The following TMEM232 variants were observed in gnomAD, a reference collection of about 807,000 sequenced individuals.
TMEM232 encodes the protein transmembrane protein 232.
In TMEM232, 80 loss-of-function variants were observed where a neutral mutation model predicts 78.8. That is an observed-to-expected ratio of 1.01 (90% confidence interval 0.85 to 1.22). The LOEUF (loss-of-function observed/expected upper bound fraction) is 1.22. TMEM232 is among the 50% of genes most tolerant of loss of function. The pLI, the probability that TMEM232 is intolerant of heterozygous loss-of-function variation, is 0.00. For missense variants in TMEM232, 881 were observed against 742.2 expected, an observed-to-expected ratio of 1.19 and a Z score of -2.17; for synonymous variants, 297 against 254.3, an observed-to-expected ratio of 1.17 and a Z score of -1.60.
At chr5:110,687,786 C>G (rs905419887) in intron 1 of TMEM232, among the ~76,000 whole-genome samples, 5 of 151,894 alleles carry the variant, frequency 3.3e-5, no homozygotes, top group Non-Finnish European at 1.5e-5. Flanking sequence ...ATTATAAATC[C>G]TAATTGCAAA....
At chr5:110,681,574 A>C (rs1792753275) in intron 1 of TMEM232, among the ~76,000 whole-genome samples, 1 of 152,240 alleles carries the variant, frequency 6.6e-6, no homozygotes, top group Non-Finnish European at 1.5e-5. Flanking sequence ...TTAAATATCT[A>C]TCTTCATCCG....
chr5:110,534,792 C>A (rs1364588076), intron 11 of TMEM232, among the ~76,000 whole-genome samples: 1 of 152,314 alleles, frequency 6.6e-6, no homozygotes, highest in East Asian at 1.9e-4. Flanking sequence ...ATCAGATGTC[C>A]TAGGTCATCC....
At chr5:110,656,674 T>TAAAAATAC (rs1379953258) in intron 2 of TMEM232, among the ~76,000 whole-genome samples, 15 of 151,820 alleles carry the variant, frequency 9.9e-5, no homozygotes, top group Non-Finnish European at 1.6e-4. Flanking sequence ...CCGTCTCTAC[T>TAAAAATAC]AAAAATACAA....
chr5:110,465,900 C>T (rs979587626), intron 12 of TMEM232, among the ~76,000 whole-genome samples: 19 of 151,946 alleles, frequency 1.3e-4, no homozygotes, highest in Admixed American at 6.6e-4. Context: ...TCTTTCTGCT[C>T]TAGTAATGGA....
At chr5:110,563,102 G>T (rs56810033) in intron 11 of TMEM232, among the ~76,000 whole-genome samples, 1 of 151,690 alleles carries the variant, frequency 6.6e-6, no homozygotes, top group African/African-American at 2.4e-5. Context: ...CTAACTTTCC[G>T]CCTTCATTTA....
intron 10 of TMEM232, among the ~76,000 whole-genome samples, chr5:110,597,738 A>G (rs1400907628): frequency 1.2e-4 from 18 of 151,722 alleles, no homozygotes; most frequent in Admixed American, 3.9e-4. Context: ...ATCTTTGACA[A>G]ACCTGAGAAA....
chr5:110,404,906 A>G (rs950800379), intron 2 of TMEM232, among the ~76,000 whole-genome samples: 3 of 152,082 alleles, frequency 2.0e-5, no homozygotes, highest in Non-Finnish European at 4.4e-5. Flanking sequence ...TAAGCTTTAG[A>G]TGACACAGTG....
At chr5:110,389,033 G>A (rs1023256096) in intron 4 of TMEM232, among the ~76,000 whole-genome samples, 2 of 152,150 alleles carry the variant, frequency 1.3e-5, no homozygotes, top group Non-Finnish European at 2.9e-5. Flanking sequence ...AGCCGAGGCA[G>A]GTGGATCATC....
At chr5:110,513,571 C>A (rs1768118505) in intron 12 of TMEM232, among the ~76,000 whole-genome samples, 1 of 152,008 alleles carries the variant, frequency 6.6e-6, no homozygotes, top group African/African-American at 2.4e-5. Context: ...AAATGGCCAA[C>A]AGACAAGTAT....
intron 12 of TMEM232, among the ~76,000 whole-genome samples, chr5:110,493,291 TAAATCAGAATCCTTAAAAGCTATTTC>T (rs1268100542): frequency 6.6e-6 from 1 of 151,416 alleles, no homozygotes; most frequent in African/African-American, 2.4e-5. Flanking sequence ...TAATGCAATT[TAAATCAGAATCCTTAAAAGCTATTTC>T]AAGAAACACC....
At chr5:110,617,208 G>T (rs1378293525) in intron 8 of TMEM232, among the ~76,000 whole-genome samples, 2 of 152,148 alleles carry the variant, frequency 1.3e-5, no homozygotes, top group Admixed American at 6.5e-5. Flanking sequence ...CTTCTATGTG[G>T]AATCTATAAA....
chr5:110,474,329 C>T (rs978156542), intron 12 of TMEM232, among the ~76,000 whole-genome samples: 1 of 151,874 alleles, frequency 6.6e-6, no homozygotes, highest in Non-Finnish European at 1.5e-5. Context: ...CTAGAAGTTA[C>T]TTCTTAACCT....
At chr5:110,486,029 G>A (rs140326544) in intron 12 of TMEM232, among the ~76,000 whole-genome samples, 1,686 of 152,052 alleles carry the variant, frequency 0.011, 34 homozygotes, top group African/African-American at 0.039. Context: ...GGAGTAAGGT[G>A]GTATCACTTT....
chr5:110,631,044 T>A (rs1227011713), intron 5 of TMEM232, among the ~76,000 whole-genome samples: 1 of 151,920 alleles, frequency 6.6e-6, no homozygotes, highest in Admixed American at 6.6e-5. Flanking sequence ...TGGGGCTGCA[T>A]CCTCCCTTTA....
intron 12 of TMEM232, among the ~76,000 whole-genome samples, chr5:110,484,124 A>C (rs1764208489): frequency 6.6e-6 from 1 of 152,084 alleles, no homozygotes; most frequent in Non-Finnish European, 1.5e-5. Context: ...GTACACATGG[A>C]TATAAAGATG....
At chr5:110,701,126 A>G (rs924312337) in intron 1 of TMEM232, among the ~76,000 whole-genome samples, 3 of 151,972 alleles carry the variant, frequency 2.0e-5, no homozygotes, top group Non-Finnish European at 4.4e-5. Flanking sequence ...ATGATTTTGG[A>G]AATGACTGAA....
chr5:110,593,663 G>A (rs931857089), intron 10 of TMEM232, among the ~76,000 whole-genome samples: 1 of 152,150 alleles, frequency 6.6e-6, no homozygotes, highest in African/African-American at 2.4e-5. Flanking sequence ...ATGGTTACTA[G>A]AGGCTTGAAA....
intron 1 of TMEM232, among the ~76,000 whole-genome samples, chr5:110,672,599 AT>A: frequency 6.6e-6 from 1 of 152,204 alleles, no homozygotes; most frequent in Non-Finnish European, 1.5e-5. Flanking sequence ...CTCCATAAAT[AT>A]TTAGCATAGA....
intron 10 of TMEM232, among the ~76,000 whole-genome samples, chr5:110,584,872 A>G (rs1278904902): frequency 1.3e-5 from 2 of 152,086 alleles, no homozygotes; most frequent in Non-Finnish European, 2.9e-5. Flanking sequence ...GCCTAAATCT[A>G]TCTTATTTTT....
Sources: gnomAD v4.1 joint callset for allele counts (sites outside exome capture counted in the v4.1 genomes callset) on GRCh38, gnomAD v4.1.1 for gene constraint, MANE v1.5 for transcripts, NCBI Gene and HGNC (gene_info 2026-07-23, HGNC 2026-07-21) for gene names.